The following PAX9 variants were observed in gnomAD, a reference collection of about 807,000 sequenced individuals.
PAX9 encodes the protein paired box protein Pax-9.
In PAX9, 6 loss-of-function variants were observed where a neutral mutation model predicts 29.1. The ratio of observed to expected loss-of-function variants is 0.21; its 90% CI spans 0.11 to 0.41. PAX9 has a LOEUF of 0.41. PAX9 is among the 10% of genes least tolerant of loss of function. The probability of loss-of-function intolerance (pLI) is 1.00; values close to 1 mark genes in which losing one functional copy is unlikely to be tolerated. For missense variants in PAX9, 443 were observed against 479.1 expected (o/e 0.92, Z 0.70); for synonymous variants, 217 against 211.7 (o/e 1.03, Z -0.22).
intron 2 of PAX9, chr14:36,666,109 C>T (rs1384805293): frequency 1.2e-5 from 3 of 245,022 alleles, no homozygotes; most frequent in Admixed American, 1.0e-4. Flanking sequence ...GAGAACGGCA[C>T]GTGCAGCCTT....
chr14:36,678,307 G>A lies in PAX9; in HGVS notation c.*1855G>A. 2 of 562,660 alleles carry A rather than the reference G, an allele frequency of 3.6e-6. No individual in the cohort carries two copies. Among genetic ancestry groups the A allele is most frequent in the Non-Finnish European group, 6.3e-6 (2 of 318,158 alleles). 34.9% of individuals were successfully genotyped at this position (562,660 alleles called of 1,614,324 possible). ...TTAGAGTGACTGCTTTTTTCAGACA[G>A]CAGATATCTTATAGAGAGCTTTGAA... On this transcript the variant is annotated 3_prime_UTR_variant, in exon 4 of 4. Coordinates refer to ENST00000361487, the MANE Select transcript of PAX9 (RefSeq NM_001372076.1).
intron 3 of PAX9, among the ~76,000 whole-genome samples, chr14:36,668,215 C>T (rs931215281): frequency 4.6e-5 from 7 of 152,002 alleles, no homozygotes; most frequent in Non-Finnish European, 1.5e-5. Flanking sequence ...ATATAAAGCA[C>T]CTACCATAGA....
rs565771835 is a variant in PAX9 at position 36,677,194 on chromosome 14, T to A, written c.*742T>A. ...CAGCCCCACCCCCTCTCTATTTTTT[T>A]CTTTCTTTTTTGCAAAGGTGACTTT... On this transcript the variant is annotated 3_prime_UTR_variant, in exon 4 of 4. Transcript: ENST00000361487. 2.6e-5 allele frequency: 4 copies of A among 152,438 alleles called. No homozygotes were observed. The highest frequency in any genetic ancestry group is 2.0e-4 in the Admixed American group (3 of 15,310). 9.4% of individuals were successfully genotyped at this position (152,438 alleles called of 1,614,324 possible). A position where few individuals can be genotyped will look rare whatever the true frequency, so the allele number is the denominator to read the frequency against.
chr14:36,661,972 A>G lies in PAX9; in HGVS notation c.-118A>G. Reference sequence around the variant, plus strand: ...GCCCTCTCGCCTCCTCCTCCTGGGAAGAAGCGGAGGCGCCGGCGGTCGGCC... The same window carrying G: ...GCCCTCTCGCCTCCTCCTCCTGGGAGGAAGCGGAGGCGCCGGCGGTCGGCC... On this transcript the variant is annotated 5_prime_UTR_variant, in exon 1 of 4. Transcript: ENST00000361487. 3 of 1,270,958 alleles carry G rather than the reference A, an allele frequency of 2.4e-6. No individual in the cohort carries two copies. Among genetic ancestry groups the G allele is most frequent in the East Asian group, 2.5e-5 (1 of 39,628 alleles). The allele number at this position is 1,270,958 out of a possible 1,614,324, so 78.7% of individuals were successfully genotyped here. A position where few individuals can be genotyped will look rare whatever the true frequency, so the allele number is the denominator to read the frequency against.
intron 1 of PAX9, 46 bp downstream of exon 1, chr14:36,662,139 G>C: frequency 4.3e-6 from 6 of 1,400,004 alleles, no homozygotes; most frequent in Non-Finnish European, 5.8e-6. Flanking sequence ...AGGGAGGGAG[G>C]GAGCGAGCGG....
intron 3 of PAX9, among the ~76,000 whole-genome samples, chr14:36,669,296 T>TA (rs1448167050): frequency 6.6e-6 from 1 of 152,200 alleles, no homozygotes; most frequent in Non-Finnish European, 1.5e-5. Context: ...GCATTTCTCT[T>TA]ACCAATATTC....
intron 3 of PAX9, among the ~76,000 whole-genome samples, chr14:36,674,689 A>C (rs1881818547): frequency 6.6e-6 from 1 of 152,202 alleles, no homozygotes; most frequent in Admixed American, 6.5e-5. Flanking sequence ...AATATGTTGG[A>C]TATTTCTTGG....
upstream of PAX9, among the ~76,000 whole-genome samples, chr14:36,659,702 C>T (rs144111269): frequency 6.6e-6 from 1 of 152,266 alleles, no homozygotes; most frequent in Non-Finnish European, 1.5e-5. Flanking sequence ...CACATGGTCA[C>T]AGCCAAGTTC....
At chr14:36,672,507 A>T (rs1286942472) in intron 3 of PAX9, among the ~76,000 whole-genome samples, 1 of 152,212 alleles carries the variant, frequency 6.6e-6, no homozygotes, top group Non-Finnish European at 1.5e-5. Flanking sequence ...GTAGAGATTT[A>T]TATCTTTTAC....
At chr14:36,675,834 T>G (rs984636882) in intron 3 of PAX9, among the ~76,000 whole-genome samples, 1 of 152,158 alleles carries the variant, frequency 6.6e-6, no homozygotes, top group African/African-American at 2.4e-5. Context: ...CCCAGGAAGG[T>G]TGACAAAGGC....
At position 36,678,306 on chromosome 14, in the gene PAX9, A is replaced by G. The variant is rs1388930892; in HGVS notation, c.*1854A>G. On this transcript the variant is annotated 3_prime_UTR_variant, in exon 4 of 4. Coordinates refer to ENST00000361487, the MANE Select transcript of PAX9 (RefSeq NM_001372076.1). The stretch of plus-strand genomic sequence containing the variant: ...GTTAGAGTGACTGCTTTTTTCAGAC[A>G]GCAGATATCTTATAGAGAGCTTTGA... 4 of 559,504 alleles carry G rather than the reference A, an allele frequency of 7.1e-6. No homozygotes were observed. Among genetic ancestry groups the G allele is most frequent in the Non-Finnish European group, 1.3e-5 (4 of 316,048 alleles). The allele number at this position is 559,504 out of a possible 1,614,324, so 34.7% of individuals were successfully genotyped here. A position where few individuals can be genotyped will look rare whatever the true frequency, so the allele number is the denominator to read the frequency against.
chr14:36,665,715 T>A (rs1053370509), intron 2 of PAX9, among the ~76,000 whole-genome samples: 6 of 152,162 alleles, frequency 3.9e-5, no homozygotes, highest in Admixed American at 6.5e-5. Context: ...GTATATACAT[T>A]TTTTAAACTC....
At chr14:36,672,689 A>C (rs2139119035) in intron 3 of PAX9, among the ~76,000 whole-genome samples, 1 of 91,224 alleles carries the variant, frequency 1.1e-5, no homozygotes, top group African/African-American at 4.2e-5. Flanking sequence ...TAAAATTAAG[A>C]CAAAACTCTC....
intron 2 of PAX9, among the ~76,000 whole-genome samples, chr14:36,664,743 TTTAA>T (rs1396599960): frequency 1.3e-5 from 2 of 152,212 alleles, no homozygotes; most frequent in African/African-American, 2.4e-5. Flanking sequence ...AAATAGTTTC[TTTAA>T]TTACTTCCTG....
rs61734510 is a variant in PAX9 at position 36,663,408 on chromosome 14, G to C, written c.516G>C (p.Lys172Asn). 7 of 1,613,250 alleles carry C rather than the reference G, an allele frequency of 4.3e-6. No homozygotes were observed. The highest frequency in any genetic ancestry group is 2.2e-5 in the East Asian group (1 of 44,840). ...GCCCTATCACGGCGGCGGCCGCCAAGGTGCCCACGCCACCCGGGGTGCCTG... is the reference window on the plus strand; with the variant it reads ...GCCCTATCACGGCGGCGGCCGCCAACGTGCCCACGCCACCCGGGGTGCCTG... ...YPSPITAAAA[K>N]VPTPPGVPAI... Residue 172 changes from lysine (K) to asparagine (N), a missense_variant, in exon 2 of 4, where the codon AAG becomes AAC. By Grantham distance (94) the Lys-to-Asn change is moderately conservative. Coordinates refer to ENST00000361487, the MANE Select transcript of PAX9 (RefSeq NM_001372076.1).
chr14:36,657,573 C>A (rs1318445385), upstream of PAX9: 1 of 152,242 alleles, frequency 6.6e-6, no homozygotes, highest in African/African-American at 2.4e-5. Flanking sequence ...CAGGCCCCTC[C>A]CCTGCTCTCG....
chr14:36,663,233 A>G lies in PAX9; in HGVS notation c.341A>G (p.Lys114Arg). ...DRLLADGVCD[K>R]YNVPSVSSIS... is the part of the protein sequence containing the mutation. ...CTGCTGGCGGACGGCGTGTGCGACA[A>G]GTACAATGTGCCCTCCGTGAGCTCC... Residue 114 changes from lysine to arginine, a missense_variant, in exon 2 of 4, where the codon AAG becomes AGG. Lys to Arg is a conservative substitution (Grantham distance 26). Around this residue, in one of 2 missense-constraint regions of PAX9, gnomAD observed 336 missense variants for 317.2 expected, o/e 1.06. Coordinates refer to ENST00000361487, the MANE Select transcript of PAX9 (RefSeq NM_001372076.1). 6.2e-7 allele frequency: 1 copy of G among 1,614,096 alleles called. No homozygotes were observed. Among genetic ancestry groups the G allele is most frequent in the Non-Finnish European group, 8.5e-7 (1 of 1,180,036 alleles).
At position 36,676,574 on chromosome 14, in the gene PAX9, T is replaced by A; in HGVS notation, c.*122T>A. On this transcript the variant is annotated 3_prime_UTR_variant, in exon 4 of 4. Coordinates refer to ENST00000361487, the MANE Select transcript of PAX9 (RefSeq NM_001372076.1). ...CAACCCTTCTGCCTTGAAAGCTGGC[T>A]GTACGGACTCACATCCTTTGTGCTA... is the stretch of plus-strand genomic sequence containing the variant. 8.9e-7 allele frequency: 1 copy of A among 1,126,416 alleles called. No individual in the cohort carries two copies. The highest frequency in any genetic ancestry group is 1.3e-6 in the Non-Finnish European group (1 of 771,566). 69.8% of individuals were successfully genotyped at this position (1,126,416 alleles called of 1,614,324 possible).
upstream of PAX9, among the ~76,000 whole-genome samples, chr14:36,660,880 A>G (rs1398362657): frequency 1.3e-5 from 2 of 152,280 alleles, no homozygotes; most frequent in Non-Finnish European, 2.9e-5. Flanking sequence ...ATTCAGAAGT[A>G]GGCAGAACGA....
Sources: allele counts gnomAD v4.1 joint callset (sites outside exome capture counted in the v4.1 genomes callset), GRCh38; gene constraint gnomAD v4.1.1; regional missense constraint gnomAD v4.1.1; transcripts MANE v1.5; gene names NCBI Gene and HGNC (gene_info 2026-07-23, HGNC 2026-07-21).